RUSF1: variants seen among roughly 807,000 people sequenced by gnomAD.
RUSF1 encodes the protein RUS1 family protein C16orf58.
A neutral mutation model predicts 63.0 loss-of-function variants in RUSF1; 58 were observed. The observed-to-expected ratio is 0.92, with a 90% CI of 0.75 to 1.15. RUSF1 has a LOEUF of 1.15. RUSF1 is among the 50% of genes most tolerant of loss of function. The pLI is 0.00. For missense variants in RUSF1, 652 were observed against 611.0 expected, an observed-to-expected ratio of 1.07 and a Z score of -0.71; for synonymous variants, 274 against 255.8, an observed-to-expected ratio of 1.07 and a Z score of -0.68.
chr16:31,492,479 A>G (rs980598654), intron 10 of RUSF1, 139 bp from the exon 11 acceptor site: 2 of 988,468 alleles, frequency 2.0e-6, no homozygotes, highest in African/African-American at 3.3e-5. Context: ...TTCCTTTCCA[A>G]TTCATCTCCT....
intron 12 of RUSF1, 130 bp downstream of exon 12, chr16:31,491,879 G>A (rs906123747): frequency 3.2e-6 from 3 of 949,116 alleles, no homozygotes; most frequent in African/African-American, 3.3e-5. Context: ...AATCATAGGT[G>A]TGAGCCTCTG....
Position 31,489,843 on chromosome 16 carries a change from C to T in RUSF1, c.*992G>A. 2.0e-6 allele frequency: 1 copy of T among 505,860 alleles called. No individual in the cohort carries two copies. 31.3% of individuals were successfully genotyped at this position (505,860 alleles called of 1,614,324 possible). ...AGGCCAGTGTCACAAGCGCTACCAT[C>T]TGGGTGTAGACAGACCTGAGCTGAC... is the stretch of plus-strand genomic sequence containing the variant. On this transcript the variant is annotated 3_prime_UTR_variant, in exon 13 of 13. Coordinates refer to ENST00000327237, the MANE Select transcript of RUSF1 (RefSeq NM_022744.4).
intron 2 of RUSF1, among the ~76,000 whole-genome samples, chr16:31,502,924 C>T (rs548109173): frequency 7.9e-5 from 12 of 152,364 alleles, no homozygotes; most frequent in Non-Finnish European, 1.2e-4. Flanking sequence ...GCCACTGTGC[C>T]CAGCTCAGAC....
intron 2 of RUSF1, among the ~76,000 whole-genome samples, chr16:31,502,767 A>G (rs1329092093): frequency 6.6e-6 from 1 of 152,212 alleles, no homozygotes; most frequent in Non-Finnish European, 1.5e-5. Flanking sequence ...CGGCAAAATC[A>G]TCATTGTGCC....
In RUSF1 at chr16:31,493,062, G is replaced by A. The variant is rs767468516; in HGVS notation, c.1017-14C>T. The A allele has an allele frequency of 8.1e-6, 13 of 1,613,074 alleles. No homozygotes were observed. Among genetic ancestry groups the A allele is most frequent in the Non-Finnish European group, 1.0e-5 (12 of 1,179,522 alleles). On this transcript the variant is annotated splice_polypyrimidine_tract_variant and intron_variant, in intron 9 of 12. Coordinates refer to ENST00000327237, the MANE Select transcript of RUSF1 (RefSeq NM_022744.4). ...AGCTCAAAGACACTGTGGGGGAGAGGACAGTGCAGTGGGGGTGGAGGACAG... is the reference window on the plus strand; with the variant it reads ...AGCTCAAAGACACTGTGGGGGAGAGAACAGTGCAGTGGGGGTGGAGGACAG...
At position 31,508,236 on chromosome 16, in the gene RUSF1, C is replaced by T; in HGVS notation, c.138G>A (p.Arg46=). The change falls in exon 1 of 13, where the codon AGG becomes AGA. Residue 46 remains arginine, a synonymous_variant. Coordinates refer to ENST00000327237, the MANE Select transcript of RUSF1 (RefSeq NM_022744.4). Reference sequence around the variant, plus strand: ...GTCCTTCAGGTTTGACCGTGAAGGCCCTGGAGAGCCCCCACCAGCGCCAGC... The same window carrying T: ...GTCCTTCAGGTTTGACCGTGAAGGCTCTGGAGAGCCCCCACCAGCGCCAGC... ...VGGWRWWGLS[R]AFTVKPEGRD... The T allele has an allele frequency of 6.4e-7, 1 of 1,563,544 alleles. No individual in the cohort carries two copies. The highest frequency in any genetic ancestry group is 8.7e-7 in the Non-Finnish European group (1 of 1,154,374).
rs760556743 is a variant in RUSF1 at position 31,490,449 on chromosome 16, G to A, written c.*386C>T. The A allele has an allele frequency of 6.2e-6, 10 of 1,613,966 alleles. No homozygotes were observed. The highest frequency in any genetic ancestry group is 2.7e-5 in the African/African-American group (2 of 75,060). On this transcript the variant is annotated 3_prime_UTR_variant, in exon 13 of 13. Transcript: ENST00000327237. ...AGCCAGGCGGCTGGAGGACATCAGC[G>A]AGGACCCGAGCTGGGCCCGTGTGGT...
intron 2 of RUSF1, among the ~76,000 whole-genome samples, chr16:31,505,492 C>T (rs1385950867): frequency 6.6e-6 from 1 of 152,102 alleles, no homozygotes; most frequent in East Asian, 1.9e-4. Context: ...AGTCTCTCGT[C>T]CCACCTGATG....
chr16:31,489,946 C>T lies in RUSF1; in HGVS notation c.*889G>A. 1.1e-6 allele frequency: 1 copy of T among 934,068 alleles called. No homozygotes were observed. The allele number at this position is 934,068 out of a possible 1,614,324, so 57.9% of individuals were successfully genotyped here. ...GTTTATCCCGAGGGCACAGGGCAGC[C>T]ATGTAGGGTGGAGTTGGCATGAGTT... On this transcript the variant is annotated 3_prime_UTR_variant, in exon 13 of 13. Transcript: ENST00000327237.
At chr16:31,495,292 A>AC (rs1396736351) in intron 6 of RUSF1, among the ~76,000 whole-genome samples, 2 of 152,086 alleles carry the variant, frequency 1.3e-5, no homozygotes, top group Non-Finnish European at 1.5e-5. Flanking sequence ...GCTCTTCTCA[A>AC]CCAGCCCTCC....
Position 31,493,898 on chromosome 16 carries a change from G to A in RUSF1, c.741C>T (p.Leu247=), listed in dbSNP as rs1245295497. ...AACCTGACACCAGAGGGAGCATCAG[G>A]AGGCTGACCAAGAGCCCCGCCAGGT... The part of the protein sequence containing the change: ...LVNLAGLLVS[L]LMLPLVSGCP... Residue 247 remains leucine (L), a synonymous_variant, in exon 7 of 13, where the codon CTC becomes CTT. Coordinates refer to ENST00000327237, the MANE Select transcript of RUSF1 (RefSeq NM_022744.4). The A allele has an allele frequency of 6.2e-7, 1 of 1,614,196 alleles. No individual in the cohort carries two copies. Among genetic ancestry groups the A allele is most frequent in the East Asian group, 2.2e-5 (1 of 44,878 alleles).
intron 2 of RUSF1, among the ~76,000 whole-genome samples, chr16:31,505,195 G>T (rs954979182): frequency 7.2e-5 from 11 of 152,134 alleles, no homozygotes; most frequent in African/African-American, 2.7e-4. Context: ...GAGATGTCTG[G>T]GTGGAGAGAA....
chr16:31,507,970 T>G (rs1877965724), intron 1 of RUSF1, 92 bp from the exon 2 acceptor site: 4 of 1,533,756 alleles, frequency 2.6e-6, no homozygotes, highest in South Asian at 1.2e-5. Context: ...GTATGAGGCA[T>G]GTCAGACCCC....
chr16:31,499,641 CCAGA>C (rs779380995), intron 3 of RUSF1, 116 bp from the exon 4 acceptor site: 7 of 955,882 alleles, frequency 7.3e-6, no homozygotes, highest in Middle Eastern at 3.5e-4. Context: ...ACCCACACCC[CCAGA>C]CAGACATCTG....
intron 2 of RUSF1, among the ~76,000 whole-genome samples, chr16:31,503,761 C>G (rs1420134093): frequency 2.0e-5 from 3 of 152,204 alleles, no homozygotes; most frequent in African/African-American, 7.2e-5. Flanking sequence ...CTACTAGGTT[C>G]AAGTGATTCT....
chr16:31,491,940 G>A (rs1596624375), intron 12 of RUSF1, 69 bp downstream of exon 12: 2 of 1,502,702 alleles, frequency 1.3e-6, no homozygotes, highest in Non-Finnish European at 9.2e-7. Context: ...AAGGGTGGGA[G>A]TGGGGGAAGG....
At chr16:31,497,059 C>G in intron 5 of RUSF1, 109 bp from the exon 6 acceptor site, 2 of 842,696 alleles carry the variant, frequency 2.4e-6, no homozygotes, top group Non-Finnish European at 3.7e-6. Flanking sequence ...GAATGCTGTC[C>G]TTGGCATCTA....
In RUSF1 at chr16:31,496,376, A is replaced by G. The variant is rs537160320; in HGVS notation, c.702+473T>C. Among the ~76,000 whole-genome samples, 61 of 152,346 alleles carry G rather than the reference A, an allele frequency of 4.0e-4. No individual in the cohort carries two copies. The South Asian group carries it at 0.012, about 31-fold the overall frequency. ...AGTGATGCAGTACACGTAAGCACTC[A>G]GCACGGGGTTTGTAGAGGTCTAATC... is the stretch of plus-strand genomic sequence containing the variant. On this transcript the variant is annotated intron_variant, in intron 6 of 12. Coordinates refer to ENST00000327237, the MANE Select transcript of RUSF1 (RefSeq NM_022744.4).
chr16:31,495,917 C>A (rs934314308), intron 6 of RUSF1, among the ~76,000 whole-genome samples: 2 of 152,024 alleles, frequency 1.3e-5, no homozygotes, highest in African/African-American at 4.8e-5. Context: ...GATTATTGAG[C>A]CAAACAATGG....
Sources: allele counts gnomAD v4.1 joint callset (sites outside exome capture counted in the v4.1 genomes callset), GRCh38; gene constraint gnomAD v4.1.1; transcripts MANE v1.5; gene names NCBI Gene and HGNC (gene_info 2026-07-23, HGNC 2026-07-21).